SUGP1: variants seen among roughly 807,000 people sequenced by gnomAD.
SUGP1 encodes SURP and G-patch domain-containing protein 1.
In SUGP1, 34 loss-of-function variants were observed where a neutral mutation model predicts 76.5. The observed-to-expected ratio is 0.44, with a 90% CI of 0.34 to 0.59. The LOEUF is 0.59. Ranked by LOEUF, SUGP1 falls within the 20% of genes least tolerant of loss-of-function variation. The pLI is 0.01. For synonymous variants in SUGP1, 326 were observed against 326.2 expected (o/e 1.00, Z 0.01); for missense variants, 752 against 851.7 (o/e 0.88, Z 1.46).
Position 19,276,412 on chromosome 19 carries a change from C to T in SUGP1, c.*236G>A, listed in dbSNP as rs2061049697. The T allele has an allele frequency of 1.7e-5, 9 of 521,228 alleles. No homozygotes were observed. Among genetic ancestry groups the T allele is most frequent in the Admixed American group, 1.0e-4 (3 of 29,730 alleles). The allele number at this position is 521,228 out of a possible 1,614,324, so 32.3% of individuals were successfully genotyped here. On this transcript the variant is annotated 3_prime_UTR_variant, in exon 14 of 14. Transcript: ENST00000247001. ...CCCCTCCAGTGCAACCCAGGCTGAG[C>T]GGGGATGGAGACTCCACAGGCCAAT... is the stretch of plus-strand genomic sequence containing the variant.
At chr19:19,316,641 C>T in intron 1 of SUGP1, 48 bp from the exon 2 acceptor site, 1 of 1,602,652 alleles carries the variant, frequency 6.2e-7, no homozygotes, top group East Asian at 2.2e-5. Flanking sequence ...ACTCCACAAA[C>T]ACCCCAAGAA....
In SUGP1 at chr19:19,302,319, C is replaced by A. The variant is rs759982073; in HGVS notation, c.833G>T (p.Gly278Val). 6.2e-7 allele frequency: 1 copy of A among 1,614,082 alleles called. No homozygotes were observed. The highest frequency in any genetic ancestry group is 8.5e-7 in the Non-Finnish European group (1 of 1,179,928). ...GAGGGCAATGGTTTCCACCTCGGGA[C>A]CCCCGTCCGCTATGAACCTGGCCAA... ...EKLARFIADG[G>V]PEVETIALQN... Residue 278 changes from glycine to valine, a missense_variant, in exon 7 of 14, where the codon GGT (glycine) becomes GTT (valine). Physicochemically the swap from Gly to Val is moderately radical, Grantham distance 109. This residue lies in a region of SUGP1 where 620 missense variants were observed against 617.3 expected (regional missense o/e 1.00). Transcript: ENST00000247001.
chr19:19,277,316 G>A (rs754285050), intron 12 of SUGP1, among the ~76,000 whole-genome samples: 6 of 151,806 alleles, frequency 4.0e-5, no homozygotes, highest in Non-Finnish European at 7.4e-5. Context: ...GCAAGTTGTC[G>A]CAGCTCTTGG....
chr19:19,308,636 T>C lies in SUGP1; in HGVS notation c.310+1461A>G, dbSNP rs535479486. Among the ~76,000 whole-genome samples, 3 of 152,380 alleles carry C rather than the reference T, an allele frequency of 2.0e-5. No homozygotes were observed. The South Asian group carries it at 6.2e-4, about 32-fold the overall frequency. On this transcript the variant is annotated intron_variant, in intron 3 of 13. Transcript: ENST00000247001. ...TGTTCTCTGATGCAGCTCAGGTGTC[T>C]CGGGCCAGCCCGGTGTCTCTGAAAA...
At chr19:19,311,733 A>G (rs1002985581) in intron 2 of SUGP1, among the ~76,000 whole-genome samples, 1 of 150,624 alleles carries the variant, frequency 6.6e-6, no homozygotes, top group African/African-American at 2.4e-5. Context: ...TCTCAAAAAA[A>G]AAAAAAAAAA....
chr19:19,309,102 G>A (rs1237201928), intron 3 of SUGP1, among the ~76,000 whole-genome samples: 3 of 152,008 alleles, frequency 2.0e-5, no homozygotes, highest in African/African-American at 7.2e-5. Context: ...CCTGACCTCA[G>A]GTGATCCGCC....
chr19:19,310,558 T>A (rs1420201955), intron 2 of SUGP1, among the ~76,000 whole-genome samples: 1 of 152,222 alleles, frequency 6.6e-6, no homozygotes, highest in South Asian at 2.1e-4. Context: ...TTATCTGGGT[T>A]GTTACTGACT....
At chr19:19,296,786 T>C (rs1212823417) in intron 8 of SUGP1, among the ~76,000 whole-genome samples, 1 of 152,126 alleles carries the variant, frequency 6.6e-6, no homozygotes, top group Admixed American at 6.5e-5. Flanking sequence ...AGCCAAGCAG[T>C]GTAAACAACC....
intron 1 of SUGP1, among the ~76,000 whole-genome samples, chr19:19,319,092 G>A (rs138395139): frequency 0.016 from 2,366 of 152,012 alleles, 27 homozygotes; most frequent in Non-Finnish European, 0.026. Context: ...TGCGGTGGCC[G>A]GCGCCTGTAA....
intron 10 of SUGP1, 63 bp from the exon 11 acceptor site, chr19:19,278,859 G>T: frequency 6.6e-7 from 1 of 1,504,120 alleles, no homozygotes; most frequent in South Asian, 1.2e-5. Flanking sequence ...CAGGCCTGGT[G>T]GCTCCCAGGG....
chr19:19,303,682 C>T (rs779339803), intron 5 of SUGP1, 42 bp downstream of exon 5: 99 of 1,609,186 alleles, frequency 6.2e-5, no homozygotes, highest in Non-Finnish European at 7.8e-5. Flanking sequence ...GTGCAGCAAA[C>T]GCATTCAACA....
intron 1 of SUGP1, among the ~76,000 whole-genome samples, chr19:19,318,941 G>A (rs149427552): frequency 7.3e-4 from 111 of 152,266 alleles, no homozygotes; most frequent in Non-Finnish European, 1.3e-3. Flanking sequence ...AGTCTGAGCC[G>A]GGCATGGTGA....
chr19:19,299,667 C>T (rs1034831618), intron 7 of SUGP1, among the ~76,000 whole-genome samples: 1 of 151,942 alleles, frequency 6.6e-6, no homozygotes, highest in Non-Finnish European at 1.5e-5. Flanking sequence ...CAGGCATGAG[C>T]CACCGCACCC....
intron 8 of SUGP1, among the ~76,000 whole-genome samples, chr19:19,285,550 C>T (rs2061133037): frequency 6.6e-6 from 1 of 152,096 alleles, no homozygotes. Flanking sequence ...GAGGAGCAAA[C>T]ACCAGAATTC....
intron 8 of SUGP1, among the ~76,000 whole-genome samples, chr19:19,284,644 CAA>C (rs2061125013): frequency 1.3e-5 from 2 of 152,240 alleles, no homozygotes; most frequent in South Asian, 4.2e-4. Flanking sequence ...AAGAAAAAAG[CAA>C]AGTCACTATA....
rs776275012 is a variant in SUGP1, at chr19:19,302,378, T to G, written c.774A>C (p.Pro258=). 6 of 1,613,998 alleles carry G rather than the reference T, an allele frequency of 3.7e-6. No individual in the cohort carries two copies. Among genetic ancestry groups the G allele is most frequent in the African/African-American group, 1.3e-5 (1 of 74,916 alleles). ...SQAASQKVSP[P]EDEEVKNLAE... ...CAAGGTTCTTGACCTCTTCGTCCTC[T>G]GGGGGTGAAACTTTAAGCAGGCTGT... is the stretch of plus-strand genomic sequence containing the variant. The change falls in exon 7 of 14, where the codon CCA becomes CCC. Residue 258 remains proline (P), a synonymous_variant. Transcript: ENST00000247001.
intron 2 of SUGP1, among the ~76,000 whole-genome samples, chr19:19,313,832 G>C (rs932705536): frequency 1.3e-5 from 2 of 151,944 alleles, no homozygotes; most frequent in Admixed American, 1.3e-4. Flanking sequence ...GTGAAACCCT[G>C]TCTCAACTAA....
Position 19,297,363 on chromosome 19 carries a change from G to A in SUGP1, c.888-19C>T, listed in dbSNP as rs761402216. On this transcript the variant is annotated intron_variant, in intron 7 of 13. Transcript: ENST00000247001. ...CAGAAAGCTGCAAAGGAGAGTTGGG[G>A]GGTGCAGTGTCAGCTGGGCCCGAGG... 7 of 1,504,772 alleles carry A rather than the reference G, an allele frequency of 4.7e-6. No homozygotes were observed. The Middle Eastern group carries it at 7.2e-4, about 155-fold the overall frequency. 93.2% of individuals were successfully genotyped at this position (1,504,772 alleles called of 1,614,324 possible).
intron 6 of SUGP1, 35 bp downstream of exon 6, chr19:19,303,313 C>T (rs745340165): frequency 6.3e-7 from 1 of 1,581,210 alleles, no homozygotes; most frequent in East Asian, 2.2e-5. Flanking sequence ...GTCCACAGGC[C>T]TCCCCAGAAT....
Sources: gnomAD v4.1 joint callset for allele counts (sites outside exome capture counted in the v4.1 genomes callset) on GRCh38, gnomAD v4.1.1 for gene constraint, gnomAD v4.1.1 regional missense constraint, MANE v1.5 for transcripts, NCBI Gene and HGNC (gene_info 2026-07-23, HGNC 2026-07-21) for gene names.